Variants in WWOX observed in about 807,000 individuals in gnomAD.
The protein encoded by WWOX is WW domain containing oxidoreductase, also known as WW domain-containing oxidoreductase.
Under a neutral mutation model 46.2 loss-of-function variants are expected in WWOX, and 69 were observed. The observed-to-expected ratio is 1.49, with a 90% confidence interval of 1.23 to 1.82. WWOX has a LOEUF of 1.82. Ranked by LOEUF, WWOX falls within the 40% of genes most tolerant of loss-of-function variation. The probability of loss-of-function intolerance (pLI) is 0.00; values close to 1 mark genes in which losing one functional copy is unlikely to be tolerated. For missense variants in WWOX, 919 were observed against 542.6 expected (o/e 1.69, Z -6.89); for synonymous variants, 359 against 202.6 (o/e 1.77, Z -6.56).
chr16:78,218,961 T>C lies in WWOX; in HGVS notation c.516+54672T>C, dbSNP rs915275139. Among the ~76,000 whole-genome samples, 2 of 152,250 alleles carry C rather than the reference T, an allele frequency of 1.3e-5. 1 individual carries two copies. The highest frequency in any genetic ancestry group is 1.3e-4 in the Admixed American group (2 of 15,290). On this transcript the variant is annotated intron_variant, in intron 5 of 8. Coordinates refer to ENST00000566780, the MANE Select transcript of WWOX (RefSeq NM_016373.4). Reference sequence around the variant, plus strand: ...AGATGCTTCACAATTTGAAAACTTATCACTTAAATTGGTGAAATGTCACTT... The same window carrying C: ...AGATGCTTCACAATTTGAAAACTTACCACTTAAATTGGTGAAATGTCACTT...
rs145298516 is a variant in WWOX, at chr16:79,115,340, A to T, written c.1057-96268A>T. ...TCATCTCATTCCAACAAGAATTGGA[A>T]ACAGCAACATCAGGACTTATATGGT... is the stretch of plus-strand genomic sequence containing the variant. On this transcript the variant is annotated intron_variant, in intron 8 of 8. Transcript: ENST00000566780. 4.0e-3 allele frequency among the ~76,000 whole-genome samples: 608 copies of T among 152,350 alleles called. 3 individuals are homozygous for T. The highest frequency in any genetic ancestry group is 0.014 in the African/African-American group (565 of 41,572).
At chr16:79,137,225 C>T (rs1300610693) in intron 8 of WWOX, among the ~76,000 whole-genome samples, 5 of 152,188 alleles carry the variant, frequency 3.3e-5, no homozygotes, top group South Asian at 2.1e-4. Context: ...CCCATGCTCT[C>T]TATTTCCTCG....
chr16:78,161,352 C>G (rs1054736680), intron 4 of WWOX, among the ~76,000 whole-genome samples: 1 of 151,872 alleles, frequency 6.6e-6, no homozygotes, highest in Non-Finnish European at 1.5e-5. Context: ...TTAAGTTATT[C>G]TATATTCCTC....
At chr16:78,834,253 C>T (rs1292159768) in intron 8 of WWOX, among the ~76,000 whole-genome samples, 2 of 152,060 alleles carry the variant, frequency 1.3e-5, no homozygotes, top group Non-Finnish European at 2.9e-5. Context: ...ATGGAGAGGC[C>T]CAAAAGGCTG....
At chr16:79,195,068 C>T (rs1261292552) in intron 8 of WWOX, among the ~76,000 whole-genome samples, 3 of 152,002 alleles carry the variant, frequency 2.0e-5, no homozygotes, top group Non-Finnish European at 4.4e-5. Context: ...TTGGTCATTC[C>T]GGATGGCTAA....
intron 8 of WWOX, among the ~76,000 whole-genome samples, chr16:78,575,113 A>G (rs1261190948): frequency 1.1e-5 from 1 of 88,310 alleles, no homozygotes; most frequent in African/African-American, 3.8e-5. Flanking sequence ...CTGTCATGGA[A>G]AGCCTTAAAG....
intron 8 of WWOX, among the ~76,000 whole-genome samples, chr16:78,624,694 A>G (rs1401227359): frequency 6.6e-6 from 1 of 152,186 alleles, no homozygotes; most frequent in Non-Finnish European, 1.5e-5. Flanking sequence ...ATTTTTCTCA[A>G]AGTTGCCTTT....
chr16:78,876,399 A>C (rs1029666490), intron 8 of WWOX, among the ~76,000 whole-genome samples: 8 of 149,738 alleles, frequency 5.3e-5, no homozygotes, highest in Non-Finnish European at 1.0e-4. Context: ...ATTTTCCAAG[A>C]CTCTGTTATG....
At chr16:78,292,491 G>A (rs1376895030) in intron 5 of WWOX, among the ~76,000 whole-genome samples, 1 of 152,106 alleles carries the variant, frequency 6.6e-6, no homozygotes, top group Admixed American at 6.5e-5. Context: ...ACAGAGCCAA[G>A]TATTTTTTAT....
At chr16:78,300,294 T>C (rs1010862678) in intron 5 of WWOX, among the ~76,000 whole-genome samples, 33 of 152,192 alleles carry the variant, frequency 2.2e-4, no homozygotes, top group Admixed American at 9.8e-4. Flanking sequence ...TGGGTGTTAG[T>C]CATATTGTCA....
Position 78,613,287 on chromosome 16 carries a change from A to C in WWOX, c.1056+180535A>C, listed in dbSNP as rs189797245. 2.7e-3 allele frequency among the ~76,000 whole-genome samples: 410 copies of C among 152,232 alleles called. 2 individuals carry two copies. Among genetic ancestry groups the C allele is most frequent in the African/African-American group, 9.3e-3 (387 of 41,558 alleles). On this transcript the variant is annotated intron_variant, in intron 8 of 8. Coordinates refer to ENST00000566780, the MANE Select transcript of WWOX (RefSeq NM_016373.4). The stretch of plus-strand genomic sequence containing the variant: ...CTAGGGCAGGGATCACTCTTTCAGA[A>C]ACATGAGCGTATGGAAGCCCCAGTG...
At chr16:79,158,410 C>G (rs2050423016) in intron 8 of WWOX, among the ~76,000 whole-genome samples, 1 of 152,194 alleles carries the variant, frequency 6.6e-6, no homozygotes, top group Non-Finnish European at 1.5e-5. Context: ...ATTGCAGCTG[C>G]AGGATCACTT....
chr16:79,102,055 G>C (rs1597377064), intron 8 of WWOX, among the ~76,000 whole-genome samples: 1 of 127,388 alleles, frequency 7.9e-6, no homozygotes, highest in Non-Finnish European at 1.7e-5. Context: ...GCAGGGAGTA[G>C]GGGGGAGGGG....
chr16:78,999,020 A>C (rs2047043411), intron 8 of WWOX, among the ~76,000 whole-genome samples: 2 of 152,228 alleles, frequency 1.3e-5, no homozygotes, highest in African/African-American at 2.4e-5. Flanking sequence ...CTAGGAACCA[A>C]ATGGCTGTGA....
intron 8 of WWOX, among the ~76,000 whole-genome samples, chr16:78,815,574 G>A (rs1224315584): frequency 6.6e-6 from 1 of 152,184 alleles, no homozygotes; most frequent in Non-Finnish European, 1.5e-5. Context: ...TGCCCAATGC[G>A]TAAGCTGTCC....
chr16:78,322,548 GC>G (rs1200816492), intron 5 of WWOX, among the ~76,000 whole-genome samples: 2 of 152,186 alleles, frequency 1.3e-5, no homozygotes, highest in Non-Finnish European at 2.9e-5. Flanking sequence ...GAAGTAACTT[GC>G]CCCTAGCATC....
chr16:78,580,674 A>G (rs1005408885), intron 8 of WWOX, among the ~76,000 whole-genome samples: 5 of 152,236 alleles, frequency 3.3e-5, no homozygotes, highest in African/African-American at 1.2e-4. Context: ...TCTTGTTTGC[A>G]GAGTATATGA....
At chr16:79,023,960 C>CAA (rs1042404187) in intron 8 of WWOX, among the ~76,000 whole-genome samples, 2 of 151,244 alleles carry the variant, frequency 1.3e-5, no homozygotes, top group Admixed American at 1.3e-4. Context: ...TCTCAAAAAA[C>CAA]AAACAAAAAA....
At chr16:78,705,582 G>A (rs1597468553) in intron 8 of WWOX, among the ~76,000 whole-genome samples, 1 of 152,188 alleles carries the variant, frequency 6.6e-6, no homozygotes, top group Non-Finnish European at 1.5e-5. Flanking sequence ...AATTCTGGGA[G>A]GGTTTCATGC....
Sources: allele counts gnomAD v4.1 joint callset (sites outside exome capture counted in the v4.1 genomes callset), GRCh38; gene constraint gnomAD v4.1.1; transcripts MANE v1.5; gene names NCBI Gene and HGNC (gene_info 2026-07-23, HGNC 2026-07-21).